Variants in LRRC4C observed in about 807,000 individuals in gnomAD.
LRRC4C encodes the protein leucine-rich repeat-containing protein 4C.
In LRRC4C, 5 loss-of-function variants were observed where a neutral mutation model predicts 33.6. The observed-to-expected ratio is 0.15, with a 90% CI of 0.08 to 0.31. LRRC4C has a LOEUF of 0.31. Among genes scored for constraint, LRRC4C ranks in the 10% least tolerant of loss-of-function variants. The pLI is 1.00. For missense variants in LRRC4C, 560 were observed against 796.7 expected, an observed-to-expected ratio of 0.70 and a Z score of 3.58; for synonymous variants, 329 against 302.0, an observed-to-expected ratio of 1.09 and a Z score of -0.93.
chr11:40,456,464 G>A (rs1202618443), intron 3 of LRRC4C, among the ~76,000 whole-genome samples: 6 of 151,724 alleles, frequency 4.0e-5, no homozygotes, highest in African/African-American at 1.4e-4. Context: ...AAAAGTCAAG[G>A]AAATCTCCCA....
chr11:40,609,100 A>G (rs534970816), intron 3 of LRRC4C, among the ~76,000 whole-genome samples: 12 of 152,200 alleles, frequency 7.9e-5, no homozygotes, highest in Middle Eastern at 3.4e-3. Context: ...CATTCCACCC[A>G]ACGGTAGCAG....
Position 41,088,939 on chromosome 11 carries a change from T to C in LRRC4C, c.-495-155216A>G, listed in dbSNP as rs187867360. ...AGATAACCGAAACATAGAAAACTAT[T>C]TAAGAGATACATAATATTCCCAAGC... On this transcript the variant is annotated intron_variant, in intron 1 of 6. Transcript: ENST00000528697. Among the ~76,000 whole-genome samples the C allele has an allele frequency of 4.6e-5, 7 of 152,146 alleles. No individual in the cohort carries two copies. In the East Asian group the frequency reaches 1.4e-3, roughly 29 times the overall value.
At chr11:41,252,295 A>T (rs1411202965) in intron 1 of LRRC4C, among the ~76,000 whole-genome samples, 1 of 152,154 alleles carries the variant, frequency 6.6e-6, no homozygotes, top group Admixed American at 6.6e-5. Flanking sequence ...ACCTTTTAAT[A>T]GAAACTAGGA....
intron 3 of LRRC4C, among the ~76,000 whole-genome samples, chr11:40,373,728 C>G (rs779723338): frequency 7.2e-5 from 11 of 152,170 alleles, no homozygotes; most frequent in African/African-American, 2.2e-4. Context: ...TTAGGTCATG[C>G]GAGAGCTGGT....
At chr11:40,533,538 G>A (rs982919202) in intron 3 of LRRC4C, among the ~76,000 whole-genome samples, 2 of 152,212 alleles carry the variant, frequency 1.3e-5, no homozygotes. Context: ...AGCATTGTAG[G>A]TTTCTTTGTT....
intron 1 of LRRC4C, among the ~76,000 whole-genome samples, chr11:40,948,792 A>C (rs1958548851): frequency 6.6e-6 from 1 of 150,696 alleles, no homozygotes; most frequent in South Asian, 2.1e-4. Flanking sequence ...GTTGGTTCCA[A>C]GTCTTTGCTA....
chr11:40,748,935 A>T (rs1460378344), intron 2 of LRRC4C, among the ~76,000 whole-genome samples: 1 of 152,150 alleles, frequency 6.6e-6, no homozygotes, highest in Admixed American at 6.5e-5. Flanking sequence ...GAGGATATGT[A>T]AACCTTAAAT....
chr11:40,172,549 C>T (rs188504084), intron 5 of LRRC4C, among the ~76,000 whole-genome samples: 33 of 152,060 alleles, frequency 2.2e-4, no homozygotes, highest in African/African-American at 7.0e-4. Context: ...TTTTTACCCT[C>T]CCATTCTTCC....
At chr11:40,887,188 AG>A (rs1219276186) in intron 2 of LRRC4C, among the ~76,000 whole-genome samples, 1 of 142,182 alleles carries the variant, frequency 7.0e-6, no homozygotes, top group Non-Finnish European at 1.5e-5. Context: ...CCTTTACAAA[AG>A]TCTTCCAGCT....
chr11:40,523,816 G>A (rs1264779707), intron 3 of LRRC4C, among the ~76,000 whole-genome samples: 2 of 151,998 alleles, frequency 1.3e-5, no homozygotes, highest in African/African-American at 4.8e-5. Context: ...TACTTGTTTG[G>A]TTGGAATTAT....
rs146676833 is a variant in LRRC4C, at chr11:40,749,688, G to A, written c.-406-101410C>T. On this transcript the variant is annotated intron_variant, in intron 2 of 6. Transcript: ENST00000528697. ...AAAAGGATCAATGAAATAGAAAGTT[G>A]GTTCTTCAAATAGGTAAACAAAAGT... is the stretch of plus-strand genomic sequence containing the variant. Among the ~76,000 whole-genome samples the A allele has an allele frequency of 1.9e-3, 288 of 149,552 alleles. 1 individual carries two copies. The highest frequency in any genetic ancestry group is 6.8e-3 in the African/African-American group (280 of 40,950).
chr11:40,161,647 C>T (rs1235259698), intron 5 of LRRC4C, among the ~76,000 whole-genome samples: 3 of 151,774 alleles, frequency 2.0e-5, no homozygotes, highest in East Asian at 3.9e-4. Context: ...CCTAACTACT[C>T]GGGAGGCTAG....
chr11:40,182,826 A>T (rs761450221), intron 5 of LRRC4C, among the ~76,000 whole-genome samples: 2 of 152,234 alleles, frequency 1.3e-5, no homozygotes, highest in Non-Finnish European at 2.9e-5. Flanking sequence ...TATTTGTAGC[A>T]AACATATACT....
chr11:40,223,332 G>A (rs779083072), intron 5 of LRRC4C, among the ~76,000 whole-genome samples: 4 of 152,120 alleles, frequency 2.6e-5, no homozygotes, highest in Non-Finnish European at 4.4e-5. Flanking sequence ...TAGAACTTAA[G>A]TGAACATGGA....
chr11:41,184,443 C>A lies in LRRC4C; in HGVS notation c.-495-250720G>T, dbSNP rs141171120. On this transcript the variant is annotated intron_variant, in intron 1 of 6. Coordinates refer to ENST00000528697, the MANE Select transcript of LRRC4C (RefSeq NM_001258419.2). ...CTCTCAAGTTCAAAGTTCCACAAAT[C>A]TCTAGGGCAGGGGCTAAATGACACC... Among the ~76,000 whole-genome samples the A allele has an allele frequency of 1.4e-4, 21 of 152,236 alleles. No individual in the cohort carries two copies. In the East Asian group the frequency reaches 3.9e-3, roughly 28 times the overall value.
intron 3 of LRRC4C, among the ~76,000 whole-genome samples, chr11:40,438,746 C>G (rs1332285566): frequency 6.6e-6 from 1 of 152,050 alleles, no homozygotes; most frequent in Non-Finnish European, 1.5e-5. Flanking sequence ...AAATTGCCTA[C>G]TCATAATTTA....
intron 1 of LRRC4C, among the ~76,000 whole-genome samples, chr11:41,164,306 C>G (rs1339851772): frequency 6.6e-6 from 1 of 150,506 alleles, no homozygotes; most frequent in Non-Finnish European, 1.5e-5. Flanking sequence ...ACTTCCACAT[C>G]TTGTTCCAGT....
intron 1 of LRRC4C, among the ~76,000 whole-genome samples, chr11:41,232,262 T>C (rs191893667): frequency 9.2e-5 from 14 of 152,126 alleles, no homozygotes; most frequent in Admixed American, 5.9e-4. Context: ...TCTGAGACTA[T>C]GAGATGTTTT....
At chr11:41,255,837 C>T (rs1948783015) in intron 1 of LRRC4C, among the ~76,000 whole-genome samples, 1 of 151,946 alleles carries the variant, frequency 6.6e-6, no homozygotes, top group African/African-American at 2.4e-5. Context: ...AGTGGGAATG[C>T]CTTGATTCTC....
Sources: allele counts gnomAD v4.1 joint callset (sites outside exome capture counted in the v4.1 genomes callset), GRCh38; gene constraint gnomAD v4.1.1; transcripts MANE v1.5; gene names NCBI Gene and HGNC (gene_info 2026-07-23, HGNC 2026-07-21).